The following ITGA9 variants were observed in gnomAD, a reference collection of about 807,000 sequenced individuals.
ITGA9 encodes integrin subunit alpha 9, also known as integrin alpha-9.
Under a neutral mutation model 127.8 loss-of-function variants are expected in ITGA9, and 56 were observed. The ratio of observed to expected loss-of-function variants is 0.44; its 90% CI spans 0.35 to 0.55. The LOEUF (loss-of-function observed/expected upper bound fraction) is 0.55. Among genes scored for constraint, ITGA9 ranks in the 20% least tolerant of loss-of-function variants. The pLI is 0.00. For synonymous variants in ITGA9, 508 were observed against 514.5 expected (o/e 0.99, Z 0.17); for missense variants, 1,196 against 1,347.1 (o/e 0.89, Z 1.76).
At chr3:37,763,582 G>T (rs1210008045) in intron 23 of ITGA9, among the ~76,000 whole-genome samples, 1 of 152,216 alleles carries the variant, frequency 6.6e-6, no homozygotes, top group African/African-American at 2.4e-5. Flanking sequence ...GCAGTTGACA[G>T]TGACACTGAT....
At chr3:37,512,727 A>G (rs1698945503) in intron 8 of ITGA9, among the ~76,000 whole-genome samples, 1 of 151,800 alleles carries the variant, frequency 6.6e-6, no homozygotes, top group African/African-American at 2.4e-5. Context: ...CTGGGTCAGC[A>G]TTCCTCTTGG....
intron 17 of ITGA9, among the ~76,000 whole-genome samples, chr3:37,659,839 G>A (rs550686023): frequency 3.3e-4 from 50 of 152,148 alleles, no homozygotes; most frequent in African/African-American, 1.2e-3. Context: ...TGGTCTTTAT[G>A]TTGGTGACTT....
At position 37,481,523 on chromosome 3, in the gene ITGA9, G is replaced by A. The variant is rs760915010; in HGVS notation, c.460G>A (p.Asp154Asn). Residue 154 changes from aspartate (D) to asparagine (N), a missense_variant, in exon 4 of 28, where the codon GAC becomes AAC. By Grantham distance (23) the Asp-to-Asn change is conservative. Coordinates refer to ENST00000264741, the MANE Select transcript of ITGA9 (RefSeq NM_002207.3). ...HRWKNIYYEADHILPHGFCYI... is the reference protein window; with the variant it reads ...HRWKNIYYEANHILPHGFCYI... ...CTGGAAGAACATCTACTATGAAGCC[G>A]ACCACATCCTACCCCATGGCTTCTG... The A allele has an allele frequency of 2.5e-6, 4 of 1,614,084 alleles. No homozygotes were observed. The highest frequency in any genetic ancestry group is 1.1e-5 in the South Asian group (1 of 91,066).
intron 21 of ITGA9, among the ~76,000 whole-genome samples, chr3:37,743,216 T>C (rs1696459077): frequency 6.6e-6 from 1 of 152,248 alleles, no homozygotes; most frequent in African/African-American, 2.4e-5. Context: ...TTGTTGTCTA[T>C]TCGGACTTAG....
chr3:37,605,630 G>A lies in ITGA9; in HGVS notation c.1690-23557G>A, dbSNP rs148548770. On this transcript the variant is annotated intron_variant, in intron 15 of 27. Transcript: ENST00000264741. ...TGGTTTCTAGGACAAATAAGTATTC[G>A]TAAAGTCCTCTATAAACTTGGGCCA... 1.6e-4 allele frequency among the ~76,000 whole-genome samples: 25 copies of A among 152,140 alleles called. No homozygotes were observed. The East Asian group carries it at 3.1e-3, about 19-fold the overall frequency.
intron 15 of ITGA9, among the ~76,000 whole-genome samples, chr3:37,572,364 G>A (rs1163828315): frequency 6.6e-6 from 1 of 152,144 alleles, no homozygotes; most frequent in Non-Finnish European, 1.5e-5. Flanking sequence ...ATGACCGCAA[G>A]AAGGCCTTAC....
chr3:37,473,321 A>T (rs1698456778), intron 2 of ITGA9, 33 bp from the exon 3 acceptor site: 1 of 1,577,042 alleles, frequency 6.3e-7, no homozygotes, highest in Non-Finnish European at 8.7e-7. Context: ...ATCACTCCTC[A>T]ACCCAAGTCT....
At chr3:37,697,618 G>A (rs528016529) in intron 18 of ITGA9, among the ~76,000 whole-genome samples, 3 of 152,128 alleles carry the variant, frequency 2.0e-5, no homozygotes, top group Non-Finnish European at 4.4e-5. Flanking sequence ...AGTTTGCTCA[G>A]AATGATGGTT....
chr3:37,760,272 A>T (rs1245182968), intron 23 of ITGA9, among the ~76,000 whole-genome samples: 2 of 76,736 alleles, frequency 2.6e-5, no homozygotes, highest in Non-Finnish European at 6.8e-5. Context: ...CAATTTAATT[A>T]AAAAAAAAAA....
chr3:37,769,822 G>A (rs1368406551), intron 23 of ITGA9, among the ~76,000 whole-genome samples: 2 of 152,176 alleles, frequency 1.3e-5, no homozygotes, highest in East Asian at 3.8e-4. Flanking sequence ...TTGTAGACAA[G>A]ATTTATAATC....
At chr3:37,547,292 T>A (rs946818530) in intron 15 of ITGA9, among the ~76,000 whole-genome samples, 1 of 152,204 alleles carries the variant, frequency 6.6e-6, no homozygotes, top group African/African-American at 2.4e-5. Context: ...TGAAGGATTT[T>A]TCAAGGAACT....
chr3:37,621,194 T>G (rs1279098874), intron 15 of ITGA9, among the ~76,000 whole-genome samples: 1 of 152,226 alleles, frequency 6.6e-6, no homozygotes, highest in Admixed American at 6.5e-5. Flanking sequence ...TCTGCTGCCA[T>G]GTAAGATGTG....
intron 16 of ITGA9, among the ~76,000 whole-genome samples, chr3:37,648,766 G>A (rs930958500): frequency 6.6e-6 from 1 of 152,124 alleles, no homozygotes; most frequent in Non-Finnish European, 1.5e-5. Context: ...CGTTGGTAAA[G>A]GTAAGTATAT....
Position 37,733,569 on chromosome 3 carries a change from G to T in ITGA9, c.2154+771G>T, listed in dbSNP as rs538496684. ...AGTGAAAGCTTCATCCTTTTCTCCT[G>T]CCTGGGTCATACACTCAGATCATTT... On this transcript the variant is annotated intron_variant, in intron 19 of 27. Transcript: ENST00000264741. 1.0e-4 allele frequency among the ~76,000 whole-genome samples: 14 copies of T among 139,062 alleles called. No individual in the cohort carries two copies. The East Asian group carries it at 1.7e-3, about 17-fold the overall frequency. The allele number at this position is 139,062 out of a possible 152,430, so 91.2% of individuals were successfully genotyped here.
intron 15 of ITGA9, among the ~76,000 whole-genome samples, chr3:37,589,924 C>G (rs1699798627): frequency 3.3e-5 from 5 of 152,166 alleles, no homozygotes. Context: ...CTTGGGCCCG[C>G]AGGCTGCCTC....
At chr3:37,491,290 T>C (rs1698671046) in intron 4 of ITGA9, among the ~76,000 whole-genome samples, 1 of 152,184 alleles carries the variant, frequency 6.6e-6, no homozygotes, top group Non-Finnish European at 1.5e-5. Flanking sequence ...TCCCCAAATG[T>C]AAGGGTTAGG....
chr3:37,534,648 T>G (rs267556), intron 14 of ITGA9, among the ~76,000 whole-genome samples: 87,033 of 152,196 alleles, frequency 0.57, 25,390 homozygotes, highest in East Asian at 0.81. Context: ...TAAGCTCAAC[T>G]ATTAAACATA....
At chr3:37,572,032 T>C (rs1382720692) in intron 15 of ITGA9, among the ~76,000 whole-genome samples, 2 of 152,054 alleles carry the variant, frequency 1.3e-5, no homozygotes, top group Non-Finnish European at 2.9e-5. Context: ...GGTAGCCCGT[T>C]GAGTTTTGTC....
chr3:37,769,233 G>T (rs1696814517), intron 23 of ITGA9, among the ~76,000 whole-genome samples: 1 of 151,784 alleles, frequency 6.6e-6, no homozygotes, highest in African/African-American at 2.4e-5. Context: ...AGCTACTCGG[G>T]AGGCTGAGGC....
Sources: gnomAD v4.1 joint callset for allele counts (sites outside exome capture counted in the v4.1 genomes callset) on GRCh38, gnomAD v4.1.1 for gene constraint, MANE v1.5 for transcripts, NCBI Gene and HGNC (gene_info 2026-07-23, HGNC 2026-07-21) for gene names.